CDK8: variants seen among roughly 807,000 people sequenced by gnomAD.
The protein encoded by CDK8 is cyclin-dependent kinase 8.
In CDK8, 29 loss-of-function variants were observed where a neutral mutation model predicts 71.5. The ratio of observed to expected loss-of-function variants is 0.41; its 90% CI spans 0.30 to 0.55. CDK8 has a LOEUF of 0.55. CDK8 is among the 20% of genes least tolerant of loss of function. The pLI is 0.37. For synonymous variants in CDK8, 161 were observed against 192.1 expected (o/e 0.84, Z 1.34); for missense variants, 288 against 572.6 (o/e 0.50, Z 5.07).
In CDK8 at chr13:26,401,573, T is replaced by C. The variant is rs1009529191; in HGVS notation, c.1218T>C (p.Val406=). ...GACCCCCGTTGAAGAAAGTGAGAGT[T>C]GTTCCTCCTACCACTACCTCAGGTG... ...TQGPPLKKVR[V]VPPTTTSGGL... is the part of the protein sequence containing the mutation. The change falls in exon 12 of 13, where the codon GTT becomes GTC. Residue 406 remains valine (V), a synonymous_variant. Transcript: ENST00000381527. The surrounding 1 kb of genome is among the most constrained non-coding windows in gnomAD (Gnocchi z 4.5). The C allele has an allele frequency of 1.9e-6, 3 of 1,614,196 alleles. No homozygotes were observed. The highest frequency in any genetic ancestry group is 2.7e-5 in the African/African-American group (2 of 75,058).
chr13:26,254,646 A>C lies in CDK8; in HGVS notation c.5A>C (p.Asp2Ala). 6.3e-7 allele frequency: 1 copy of C among 1,596,500 alleles called. No homozygotes were observed. Among genetic ancestry groups the C allele is most frequent in the Non-Finnish European group, 8.5e-7 (1 of 1,170,702 alleles). The change falls in exon 1 of 13, where the codon GAC becomes GCC. Residue 2 changes from aspartate to alanine, a missense_variant. Coordinates refer to ENST00000381527, the MANE Select transcript of CDK8 (RefSeq NM_001260.3). The surrounding 1 kb of genome is among the most constrained non-coding windows in gnomAD (Gnocchi z 6.7). M[D>A]YDFKVKLSSE... ...CCGGCCTCAGAGGCTGTGACAATGG[A>C]CTATGACTTTAAAGTGAAGCTGAGC...
At chr13:26,271,379 T>C (rs919717953) in intron 1 of CDK8, among the ~76,000 whole-genome samples, 11 of 152,210 alleles carry the variant, frequency 7.2e-5, no homozygotes, top group African/African-American at 2.7e-4. Context: ...TGGTGTAGCC[T>C]ATTGCTTAGT....
chr13:26,387,211 A>G (rs905194501), intron 6 of CDK8, among the ~76,000 whole-genome samples: 1 of 152,024 alleles, frequency 6.6e-6, no homozygotes, highest in Non-Finnish European at 1.5e-5. Context: ...AACATTGCTG[A>G]TTTGTTTGTA....
intron 1 of CDK8, among the ~76,000 whole-genome samples, chr13:26,259,789 TCAA>T (rs2137850976): frequency 6.6e-6 from 1 of 152,340 alleles, no homozygotes; most frequent in African/African-American, 2.4e-5. Context: ...ACTCATTCAT[TCAA>T]CAAGTATTTA....
At chr13:26,403,186 A>G (rs916624002) in intron 12 of CDK8, among the ~76,000 whole-genome samples, 6 of 152,136 alleles carry the variant, frequency 3.9e-5, no homozygotes, top group Admixed American at 6.6e-5. Context: ...TTACTTTTGT[A>G]TATAAACTTG....
chr13:26,318,505 C>CTT (rs1381865026), intron 1 of CDK8, among the ~76,000 whole-genome samples: 2 of 152,170 alleles, frequency 1.3e-5, no homozygotes, highest in African/African-American at 4.8e-5. Context: ...ACCAATATCT[C>CTT]TTGTGATCAT....
At position 26,356,352 on chromosome 13, in the gene CDK8, A is replaced by C. The variant is rs139803077; in HGVS notation, c.456+2472A>C. Reference sequence around the variant, plus strand: ...TCTTGCCATTATTTAAAGTTTATTAATCCAAAAAGTTCTGCAGTGTCTGCT... The same window carrying C: ...TCTTGCCATTATTTAAAGTTTATTACTCCAAAAAGTTCTGCAGTGTCTGCT... On this transcript the variant is annotated intron_variant, in intron 4 of 12. Transcript: ENST00000381527. Among the ~76,000 whole-genome samples, 585 of 152,292 alleles carry C rather than the reference A, an allele frequency of 3.8e-3. 3 individuals are homozygous for C. The highest frequency in any genetic ancestry group is 0.013 in the African/African-American group (541 of 41,558).
intron 3 of CDK8, 62 bp downstream of exon 3, chr13:26,349,244 C>G (rs1034770850): frequency 1.1e-6 from 1 of 878,704 alleles, no homozygotes; most frequent in Non-Finnish European, 1.9e-6. Context: ...TAACTAAAAA[C>G]AGTTAGGTGT....
intron 4 of CDK8, among the ~76,000 whole-genome samples, chr13:26,366,979 C>T (rs927124317): frequency 3.9e-5 from 6 of 152,100 alleles, no homozygotes; most frequent in African/African-American, 1.2e-4. Flanking sequence ...TGGTAATATG[C>T]GGGGCAGACA....
At chr13:26,306,122 T>G (rs1424028210) in intron 1 of CDK8, among the ~76,000 whole-genome samples, 1 of 152,198 alleles carries the variant, frequency 6.6e-6, no homozygotes, top group Non-Finnish European at 1.5e-5. Context: ...GTCTTTGATA[T>G]TTGAAGCTGA....
At chr13:26,264,654 T>C (rs1344979752) in intron 1 of CDK8, among the ~76,000 whole-genome samples, 2 of 152,178 alleles carry the variant, frequency 1.3e-5, no homozygotes, top group Non-Finnish European at 2.9e-5. Context: ...TACTCTACTA[T>C]CAAACATTGA....
At chr13:26,382,403 C>T (rs1875269943) in intron 4 of CDK8, among the ~76,000 whole-genome samples, 1 of 152,138 alleles carries the variant, frequency 6.6e-6, no homozygotes, top group African/African-American at 2.4e-5. Flanking sequence ...AAAAGGATTT[C>T]TGGTGATTCC....
At chr13:26,328,438 A>G (rs1357525848) in intron 1 of CDK8, among the ~76,000 whole-genome samples, 3 of 152,214 alleles carry the variant, frequency 2.0e-5, no homozygotes, top group African/African-American at 7.2e-5. Flanking sequence ...TATCTTTGCA[A>G]CTGAAAATTT....
At chr13:26,357,736 A>G (rs958184442) in intron 4 of CDK8, among the ~76,000 whole-genome samples, 9 of 152,228 alleles carry the variant, frequency 5.9e-5, no homozygotes, top group Non-Finnish European at 1.3e-4. Context: ...AGCAGGCTAC[A>G]GGCTGGAGAC....
chr13:26,369,689 C>T (rs1234070183), intron 4 of CDK8, among the ~76,000 whole-genome samples: 5 of 145,656 alleles, frequency 3.4e-5, no homozygotes, highest in South Asian at 4.5e-4. Flanking sequence ...CCACCATGCC[C>T]GGCTAATTTT....
At chr13:26,306,892 G>C (rs762182446) in intron 1 of CDK8, among the ~76,000 whole-genome samples, 41 of 152,188 alleles carry the variant, frequency 2.7e-4, no homozygotes, top group Non-Finnish European at 5.6e-4. Flanking sequence ...GCCTCCCAAA[G>C]TGCTGGGATT....
intron 4 of CDK8, 127 bp downstream of exon 4, chr13:26,354,007 T>C (rs1873790812): frequency 1.3e-6 from 1 of 759,182 alleles, no homozygotes; most frequent in Non-Finnish European, 2.2e-6. Context: ...GAATGCTACC[T>C]TCTCAAAACA....
At chr13:26,281,534 G>A (rs1872743766) in intron 1 of CDK8, among the ~76,000 whole-genome samples, 1 of 104,170 alleles carries the variant, frequency 9.6e-6, no homozygotes, top group African/African-American at 7.8e-5. Context: ...CAAATGAGAA[G>A]GAATCAGAAA....
At chr13:26,256,193 G>A (rs901158523) in intron 1 of CDK8, among the ~76,000 whole-genome samples, 1 of 152,192 alleles carries the variant, frequency 6.6e-6, no homozygotes, top group Non-Finnish European at 1.5e-5. Flanking sequence ...TAGCGGAATG[G>A]ATAGTCTGGT....
Sources: gnomAD v4.1 joint callset for allele counts (sites outside exome capture counted in the v4.1 genomes callset) on GRCh38, gnomAD v4.1.1 for gene constraint, Gnocchi (gnomAD v3.1) non-coding constraint, MANE v1.5 for transcripts, NCBI Gene and HGNC (gene_info 2026-07-23, HGNC 2026-07-21) for gene names.